Variants in GFRA1 observed in about 807,000 individuals in gnomAD.
GFRA1 encodes GDNF family receptor alpha-1.
GFRA1 carries 16 observed loss-of-function variants against 51.6 expected under a neutral mutation model. That is an observed-to-expected ratio of 0.31 (90% CI 0.21 to 0.47). The LOEUF (loss-of-function observed/expected upper bound fraction) is 0.47. Ranked by LOEUF, GFRA1 falls within the 20% of genes least tolerant of loss-of-function variation. The pLI is 1.00. For missense variants in GFRA1, 530 were observed against 594.3 expected (o/e 0.89, Z 1.13); for synonymous variants, 270 against 241.3 (o/e 1.12, Z -1.10).
chr10:116,260,203 T>C (rs1243306571), intron 4 of GFRA1, among the ~76,000 whole-genome samples: 1 of 152,170 alleles, frequency 6.6e-6, no homozygotes, highest in Non-Finnish European at 1.5e-5. Context: ...TTCGAAGAAA[T>C]TGCTTGTTCT....
intron 5 of GFRA1, among the ~76,000 whole-genome samples, chr10:116,133,089 T>C (rs1958174127): frequency 1.3e-5 from 2 of 152,038 alleles, no homozygotes; most frequent in Non-Finnish European, 2.9e-5. Context: ...GTAGAATGTC[T>C]GGGACGCTGT....
At chr10:116,165,683 A>ACACACT (rs1276565566) in intron 5 of GFRA1, among the ~76,000 whole-genome samples, 3 of 151,680 alleles carry the variant, frequency 2.0e-5, no homozygotes, top group African/African-American at 7.3e-5. Flanking sequence ...ACACACACAC[A>ACACACT]CACACTCACA....
intron 4 of GFRA1, among the ~76,000 whole-genome samples, chr10:116,229,077 A>G (rs919844996): frequency 3.3e-5 from 5 of 151,866 alleles, no homozygotes; most frequent in Non-Finnish European, 7.4e-5. Flanking sequence ...CTCCAGAAGG[A>G]ACACAGTCCT....
At chr10:116,190,231 C>G (rs1384527729) in intron 5 of GFRA1, among the ~76,000 whole-genome samples, 1 of 152,202 alleles carries the variant, frequency 6.6e-6, no homozygotes, top group Non-Finnish European at 1.5e-5. Flanking sequence ...CCAAACCTTT[C>G]AAGTGCTTGG....
In GFRA1 at chr10:116,057,035, G is replaced by A. The variant is rs752471345; in HGVS notation, c.*7363C>T. 6 of 152,100 alleles carry A rather than the reference G, an allele frequency of 3.9e-5. No individual in the cohort carries two copies. The highest frequency in any genetic ancestry group is 7.4e-5 in the Non-Finnish European group (5 of 68,012). 9.4% of individuals were successfully genotyped at this position (152,100 alleles called of 1,614,324 possible). ...TGAGCAATAGGCTAACAGAAAATTC[G>A]AACATCACAAAACCACTTCCAAAGT... On this transcript the variant is annotated 3_prime_UTR_variant, in exon 11 of 11. Transcript: ENST00000355422.
At chr10:116,136,523 G>A (rs1958333060) in intron 5 of GFRA1, among the ~76,000 whole-genome samples, 4 of 152,172 alleles carry the variant, frequency 2.6e-5, no homozygotes, top group Admixed American at 2.0e-4. Context: ...TTGCCATGGA[G>A]AAGACTAATT....
intron 6 of GFRA1, among the ~76,000 whole-genome samples, chr10:116,106,387 C>T (rs986322349): frequency 1.9e-4 from 29 of 152,198 alleles, no homozygotes; most frequent in Admixed American, 3.3e-4. Flanking sequence ...TCAGCTCAAT[C>T]GCTTACTAGC....
At chr10:116,124,513 G>A (rs1053615445) in intron 6 of GFRA1, among the ~76,000 whole-genome samples, 4 of 152,162 alleles carry the variant, frequency 2.6e-5, no homozygotes, top group South Asian at 2.1e-4. Context: ...TTTCAGGCGT[G>A]AGCCACCACA....
At chr10:116,216,445 C>A (rs1012746639) in intron 4 of GFRA1, among the ~76,000 whole-genome samples, 1 of 152,140 alleles carries the variant, frequency 6.6e-6, no homozygotes, top group African/African-American at 2.4e-5. Flanking sequence ...CTATTTCAAT[C>A]CATAGTCCAT....
intron 5 of GFRA1, among the ~76,000 whole-genome samples, chr10:116,205,263 C>T (rs1485458192): frequency 6.6e-6 from 1 of 151,968 alleles, no homozygotes; most frequent in Non-Finnish European, 1.5e-5. Context: ...CAAATACTAG[C>T]ATTATTATTA....
intron 5 of GFRA1, among the ~76,000 whole-genome samples, chr10:116,149,749 T>C (rs976514847): frequency 6.6e-6 from 1 of 152,148 alleles, no homozygotes; most frequent in African/African-American, 2.4e-5. Flanking sequence ...ATTTTAGTTA[T>C]ATAAAAACAA....
rs1050560395 is a variant in GFRA1 at position 116,059,699 on chromosome 10, G to T, written c.*4699C>A. ...TTCTGCTGAAAACCACCCCTGCATTGTCTCTGGGAGGGAGGAGAAGCTCAT... is the reference window on the plus strand; with the variant it reads ...TTCTGCTGAAAACCACCCCTGCATTTTCTCTGGGAGGGAGGAGAAGCTCAT... On this transcript the variant is annotated 3_prime_UTR_variant, in exon 11 of 11. Coordinates refer to ENST00000355422, the MANE Select transcript of GFRA1 (RefSeq NM_005264.8). 1 of 152,224 alleles carries T rather than the reference G, an allele frequency of 6.6e-6. No homozygotes were observed. Among genetic ancestry groups the T allele is most frequent in the African/African-American group, 2.4e-5 (1 of 41,452 alleles). The allele number at this position is 152,224 out of a possible 1,614,324, so 9.4% of individuals were successfully genotyped here. A position where few individuals can be genotyped will look rare whatever the true frequency, so the allele number is the denominator to read the frequency against.
At chr10:116,107,951 C>G (rs995985396) in intron 6 of GFRA1, among the ~76,000 whole-genome samples, 3 of 152,074 alleles carry the variant, frequency 2.0e-5, no homozygotes, top group South Asian at 2.1e-4. Context: ...CCCCAAACGA[C>G]AAGAGCTAAA....
chr10:116,119,730 G>T (rs1020990717), intron 6 of GFRA1, among the ~76,000 whole-genome samples: 1 of 152,152 alleles, frequency 6.6e-6, no homozygotes, highest in Non-Finnish European at 1.5e-5. Flanking sequence ...ACAGTTTATT[G>T]TGTGAAGGGG....
At chr10:116,075,571 G>A (rs559506873) in intron 9 of GFRA1, among the ~76,000 whole-genome samples, 7 of 152,212 alleles carry the variant, frequency 4.6e-5, no homozygotes, top group African/African-American at 1.7e-4. Context: ...ATCTTAGCCT[G>A]CAGAGGGTTT....
At chr10:116,076,370 C>T (rs1481286624) in intron 9 of GFRA1, among the ~76,000 whole-genome samples, 4 of 151,994 alleles carry the variant, frequency 2.6e-5, no homozygotes, top group Non-Finnish European at 5.9e-5. Flanking sequence ...ACCAAATTTC[C>T]ACAGAAACAC....
At chr10:116,103,975 C>T (rs796289515) in intron 6 of GFRA1, among the ~76,000 whole-genome samples, 40 of 152,216 alleles carry the variant, frequency 2.6e-4, no homozygotes, top group African/African-American at 9.2e-4. Context: ...TACGGAGCTG[C>T]GGAGCTGGGG....
intron 5 of GFRA1, among the ~76,000 whole-genome samples, chr10:116,192,631 C>T (rs966710322): frequency 3.9e-5 from 6 of 152,204 alleles, no homozygotes; most frequent in South Asian, 2.1e-4. Context: ...CCTGTAGCAA[C>T]GCCCTATCTC....
upstream of GFRA1, among the ~76,000 whole-genome samples, chr10:116,273,671 GTC>G (rs60112716): frequency 0.76 from 111,480 of 147,362 alleles, 44,613 homozygotes; most frequent in Non-Finnish European, 0.9. Context: ...CTCTCTCTCT[GTC>G]TCTCTCTCTC....
Sources: allele counts gnomAD v4.1 joint callset (sites outside exome capture counted in the v4.1 genomes callset), GRCh38; gene constraint gnomAD v4.1.1; transcripts MANE v1.5; gene names NCBI Gene and HGNC (gene_info 2026-07-23, HGNC 2026-07-21).